The following PITPNM3 variants were observed in gnomAD, a reference collection of about 807,000 sequenced individuals.
The protein encoded by PITPNM3 is PITPNM family member 3, also known as membrane-associated phosphatidylinositol transfer protein 3.
In PITPNM3, 26 loss-of-function variants were observed where a neutral mutation model predicts 102.0. That is an observed-to-expected ratio of 0.25 (90% confidence interval 0.19 to 0.35). The LOEUF (loss-of-function observed/expected upper bound fraction) is 0.35. Ranked by LOEUF, PITPNM3 falls within the 10% of genes least tolerant of loss-of-function variation. The probability of loss-of-function intolerance (pLI) is 1.00; values close to 1 mark genes in which losing one functional copy is unlikely to be tolerated. For missense variants in PITPNM3, 1,083 were observed against 1,346.1 expected, an observed-to-expected ratio of 0.80 and a Z score of 3.06; for synonymous variants, 578 against 558.6, an observed-to-expected ratio of 1.03 and a Z score of -0.49.
intron 3 of PITPNM3, among the ~76,000 whole-genome samples, chr17:6,507,573 G>C (rs1454352358): frequency 6.8e-6 from 1 of 146,016 alleles, no homozygotes; most frequent in Non-Finnish European, 1.5e-5. Flanking sequence ...AACGGAGTGA[G>C]ACTCCATTTA....
intron 3 of PITPNM3, among the ~76,000 whole-genome samples, chr17:6,508,867 C>T (rs1464663524): frequency 6.6e-6 from 1 of 152,126 alleles, no homozygotes; most frequent in African/African-American, 2.4e-5. Flanking sequence ...AAACCGCCAG[C>T]GAGGGAGGAG....
At chr17:6,526,691 A>G (rs1462485844) in intron 2 of PITPNM3, among the ~76,000 whole-genome samples, 7 of 152,222 alleles carry the variant, frequency 4.6e-5, no homozygotes, top group Admixed American at 4.6e-4. Flanking sequence ...ATACACTGAG[A>G]TTATTATAAG....
chr17:6,458,760 C>T lies in PITPNM3; in HGVS notation c.2491-1038G>A, dbSNP rs935398472. On this transcript the variant is annotated intron_variant, in intron 18 of 19. Coordinates refer to ENST00000262483, the MANE Select transcript of PITPNM3 (RefSeq NM_031220.4). This position sits in a 1 kb window ranked among gnomAD's most constrained non-coding sequence, Gnocchi z 5.1. The stretch of plus-strand genomic sequence containing the variant: ...CATCCCTGTGTCCTTGCCTCCACCC[C>T]GGATTCTCTCACCCCTTCATCCTCC... Among the ~76,000 whole-genome samples the T allele has an allele frequency of 7.2e-5, 11 of 152,194 alleles. No individual in the cohort carries two copies. The highest frequency in any genetic ancestry group is 2.2e-4 in the African/African-American group (9 of 41,524).
In PITPNM3 at chr17:6,556,348, C is replaced by T. The variant is rs920152312; in HGVS notation, c.22+37G>A. The T allele has an allele frequency of 2.1e-6, 3 of 1,399,840 alleles. No homozygotes were observed. Among genetic ancestry groups the T allele is most frequent in the Non-Finnish European group, 2.8e-6 (3 of 1,072,782 alleles). 86.7% of individuals were successfully genotyped at this position (1,399,840 alleles called of 1,614,324 possible). ...CCTCTAGACGCGCGAGTCCCTCCCCCGGGCCCCGGCCCTGCCCTCCCCGCG... is the reference window on the plus strand; with the variant it reads ...CCTCTAGACGCGCGAGTCCCTCCCCTGGGCCCCGGCCCTGCCCTCCCCGCG... On this transcript the variant is annotated intron_variant, in intron 1 of 19. Transcript: ENST00000262483. This position sits in a 1 kb window ranked among gnomAD's most constrained non-coding sequence, Gnocchi z 5.2.
rs1443887194 is a variant in PITPNM3 at position 6,459,590 on chromosome 17, T to G, written c.2490+1783A>C. ...ATGTCCACAGCTGAGCTCATCTCCC[T>G]CCAGCCTGGTCCTCCTCTCATGTCC... is the stretch of plus-strand genomic sequence containing the variant. On this transcript the variant is annotated intron_variant, in intron 18 of 19. Transcript: ENST00000262483. This position sits in a 1 kb window ranked among gnomAD's most constrained non-coding sequence, Gnocchi z 5.0. Among the ~76,000 whole-genome samples, 8 of 152,206 alleles carry G rather than the reference T, an allele frequency of 5.3e-5. No individual in the cohort carries two copies. Among genetic ancestry groups the G allele is most frequent in the African/African-American group, 1.9e-4 (8 of 41,456 alleles).
At chr17:6,494,938 C>CA (rs1382056045) in intron 4 of PITPNM3, among the ~76,000 whole-genome samples, 2 of 151,750 alleles carry the variant, frequency 1.3e-5, no homozygotes, top group African/African-American at 4.8e-5. Flanking sequence ...ATGCCCATTG[C>CA]AAAAAACAAC....
intron 2 of PITPNM3, among the ~76,000 whole-genome samples, chr17:6,531,947 A>G (rs1567690754): frequency 6.6e-6 from 1 of 152,158 alleles, no homozygotes; most frequent in Non-Finnish European, 1.5e-5. Context: ...TACTAAAAAT[A>G]CAAAAAAAAT....
At chr17:6,482,678 C>A (rs1045962568) in intron 6 of PITPNM3, among the ~76,000 whole-genome samples, 1 of 152,138 alleles carries the variant, frequency 6.6e-6, no homozygotes. Flanking sequence ...GGATCTGATG[C>A]TATCTCCAGG....
intron 2 of PITPNM3, among the ~76,000 whole-genome samples, chr17:6,535,111 T>C (rs373731588): frequency 6.6e-6 from 1 of 152,056 alleles, no homozygotes; most frequent in Non-Finnish European, 1.5e-5. Context: ...GATTTAATGG[T>C]GTTGGCCCCA....
rs145880642 is a variant in PITPNM3, at chr17:6,525,347, G to C, written c.226+9C>G. On this transcript the variant is annotated intron_variant, in intron 3 of 19. Coordinates refer to ENST00000262483, the MANE Select transcript of PITPNM3 (RefSeq NM_031220.4). ...GCACATCCTGGTCATGAGAGAAGCA[G>C]AGTCTCACCTTGATGCTCGTCCAGT... The C allele has an allele frequency of 4.4e-4, 716 of 1,612,786 alleles. 7 individuals carry two copies. In the African/African-American group the frequency reaches 8.5e-3, roughly 19 times the overall value.
chr17:6,535,747 T>C (rs1909378773), intron 2 of PITPNM3, among the ~76,000 whole-genome samples: 1 of 151,570 alleles, frequency 6.6e-6, no homozygotes, highest in East Asian at 1.9e-4. Context: ...GGTGAAACCC[T>C]GTCTCTACTA....
rs1914021782 is a variant in PITPNM3, at chr17:6,455,012, G to A, written c.*326C>T. On this transcript the variant is annotated 3_prime_UTR_variant, in exon 20 of 20. Transcript: ENST00000262483. ...GCTGTGAAGCCTGGGGACGCAGGAG[G>A]GTGGTCGACTTTGCCCAAACGCTTC... 2 of 373,356 alleles carry A rather than the reference G, an allele frequency of 5.4e-6. No individual in the cohort carries two copies. The highest frequency in any genetic ancestry group is 4.3e-5 in the African/African-American group (2 of 46,940). 23.1% of individuals were successfully genotyped at this position (373,356 alleles called of 1,614,324 possible).
At chr17:6,471,390 G>A (rs766594195) in intron 11 of PITPNM3, 35 bp from the exon 12 acceptor site, 22 of 1,517,166 alleles carry the variant, frequency 1.5e-5, no homozygotes, top group African/African-American at 5.4e-5. Context: ...GCTGAGTCAC[G>A]TGTCTCCAGC....
At chr17:6,551,972 T>C (rs543851515) in intron 1 of PITPNM3, among the ~76,000 whole-genome samples, 11 of 152,292 alleles carry the variant, frequency 7.2e-5, no homozygotes, top group African/African-American at 2.4e-4. Context: ...CACCTTCTTC[T>C]GTGACGTTGG....
Position 6,457,824 on chromosome 17 carries a change from G to T in PITPNM3, c.2491-102C>A. The T allele has an allele frequency of 6.8e-7, 1 of 1,466,876 alleles. No homozygotes were observed. The highest frequency in any genetic ancestry group is 9.2e-7 in the Non-Finnish European group (1 of 1,082,942). 90.9% of individuals were successfully genotyped at this position (1,466,876 alleles called of 1,614,324 possible). A position where few individuals can be genotyped will look rare whatever the true frequency, so the allele number is the denominator to read the frequency against. On this transcript the variant is annotated intron_variant, in intron 18 of 19. Transcript: ENST00000262483. The surrounding 1 kb of genome is among the most constrained non-coding windows in gnomAD (Gnocchi z 4.7). ...GGGCCCCTGCTTGGGGACCCTTTAT[G>T]TGCACTCTGGTAGACTCCAAGCCAT...
At position 6,470,530 on chromosome 17, in the gene PITPNM3, G is replaced by A; in HGVS notation, c.1625-122C>T. ...CCCACGTGGGGCACGGGTTTGGGCG[G>A]GAGCACCCTGGCCTGGAGGAGGCCT... On this transcript the variant is annotated intron_variant, in intron 12 of 19. Transcript: ENST00000262483. This position sits in a 1 kb window ranked among gnomAD's most constrained non-coding sequence, Gnocchi z 4.8. 3 of 1,326,132 alleles carry A rather than the reference G, an allele frequency of 2.3e-6. No individual in the cohort carries two copies. The highest frequency in any genetic ancestry group is 3.2e-6 in the Non-Finnish European group (3 of 936,064). 82.1% of individuals were successfully genotyped at this position (1,326,132 alleles called of 1,614,324 possible). A position where few individuals can be genotyped will look rare whatever the true frequency, so the allele number is the denominator to read the frequency against.
chr17:6,474,052 G>C (rs894491245), intron 10 of PITPNM3, among the ~76,000 whole-genome samples: 20 of 152,018 alleles, frequency 1.3e-4, no homozygotes, highest in African/African-American at 4.8e-4. Context: ...GGATATGCGG[G>C]GGTGGGTGGT....
chr17:6,540,270 C>T (rs1345667004), intron 1 of PITPNM3, among the ~76,000 whole-genome samples: 1 of 152,198 alleles, frequency 6.6e-6, no homozygotes, highest in Non-Finnish European at 1.5e-5. Flanking sequence ...GGATTGGGTG[C>T]TCGCAAAGCT....
At chr17:6,463,413 T>A (rs574560552) in intron 17 of PITPNM3, among the ~76,000 whole-genome samples, 79 of 44,338 alleles carry the variant, frequency 1.8e-3, no homozygotes, top group African/African-American at 8.9e-3. Flanking sequence ...CGTGCACGAG[T>A]GCAGGGAGGG....
Sources: allele counts gnomAD v4.1 joint callset (sites outside exome capture counted in the v4.1 genomes callset), GRCh38; gene constraint gnomAD v4.1.1; non-coding constraint Gnocchi (gnomAD v3.1); transcripts MANE v1.5; gene names NCBI Gene and HGNC (gene_info 2026-07-23, HGNC 2026-07-21).